The following SPOCK1 variants were observed in gnomAD, a reference collection of about 807,000 sequenced individuals.
The protein encoded by SPOCK1 is SPARC (osteonectin), cwcv and kazal like domains proteoglycan 1, also known as testican-1.
A neutral mutation model predicts 55.3 loss-of-function variants in SPOCK1; 23 were observed. The ratio of observed to expected loss-of-function variants is 0.42; its 90% CI spans 0.30 to 0.59. SPOCK1 has a LOEUF of 0.59. Ranked by LOEUF, SPOCK1 falls within the 20% of genes least tolerant of loss-of-function variation. The pLI is 0.22. For synonymous variants in SPOCK1, 226 were observed against 221.0 expected (o/e 1.02, Z -0.20); for missense variants, 499 against 552.5 (o/e 0.90, Z 0.97).
Position 137,469,765 on chromosome 5 carries a change from A to G in SPOCK1, c.186+28608T>C, listed in dbSNP as rs1023769296. 5.9e-5 allele frequency among the ~76,000 whole-genome samples: 9 copies of G among 152,142 alleles called. No homozygotes were observed. The East Asian group carries it at 1.5e-3, about 26-fold the overall frequency. ...ATGGCTCAGAACTGTCTTGTCATGG[A>G]CCTCCATCATGGGGATGGACTGGTG... On this transcript the variant is annotated intron_variant, in intron 2 of 10. Transcript: ENST00000394945.
chr5:137,232,758 G>A lies in SPOCK1; in HGVS notation c.232+34252C>T, dbSNP rs151309739. ...TTTTGATAGGAATTTCATTGAACCT[G>A]TATAGCAATTTGGAGAAAATGAACA... On this transcript the variant is annotated intron_variant, in intron 3 of 10. Coordinates refer to ENST00000394945, the MANE Select transcript of SPOCK1 (RefSeq NM_004598.4). 1.8e-4 allele frequency among the ~76,000 whole-genome samples: 28 copies of A among 152,298 alleles called. No individual in the cohort carries two copies. In the East Asian group the frequency reaches 5.0e-3, roughly 27 times the overall value.
intron 6 of SPOCK1, among the ~76,000 whole-genome samples, chr5:137,042,179 G>T (rs1227584481): frequency 6.6e-6 from 1 of 152,134 alleles, no homozygotes; most frequent in African/African-American, 2.4e-5. Context: ...AATGAATATT[G>T]TCAAGTGAAA....
chr5:137,264,498 C>T (rs183839635), intron 3 of SPOCK1, among the ~76,000 whole-genome samples: 33 of 152,264 alleles, frequency 2.2e-4, no homozygotes, highest in Non-Finnish European at 4.4e-4. Flanking sequence ...CCACCTCCAT[C>T]ATGAAGCCCC....
intron 6 of SPOCK1, among the ~76,000 whole-genome samples, chr5:137,042,802 T>A (rs1752024793): frequency 6.6e-6 from 1 of 152,128 alleles, no homozygotes; most frequent in Non-Finnish European, 1.5e-5. Context: ...AACTTGTATT[T>A]AGCTTAATAT....
intron 3 of SPOCK1, among the ~76,000 whole-genome samples, chr5:137,251,908 G>A (rs1836296): frequency 0.068 from 10,291 of 152,066 alleles, 1,057 homozygotes; most frequent in African/African-American, 0.23. Flanking sequence ...GATCGTATTC[G>A]ACATATTATT....
intron 3 of SPOCK1, among the ~76,000 whole-genome samples, chr5:137,228,195 A>G (rs1442413943): frequency 1.3e-5 from 2 of 152,240 alleles, no homozygotes; most frequent in Non-Finnish European, 2.9e-5. Flanking sequence ...GCCAACATGA[A>G]TGACCAAGGA....
chr5:137,168,743 T>C (rs1450652814), intron 3 of SPOCK1, among the ~76,000 whole-genome samples: 2 of 152,116 alleles, frequency 1.3e-5, no homozygotes, highest in Non-Finnish European at 2.9e-5. Flanking sequence ...AACCCTAGTA[T>C]ACTGTTGGTA....
intron 3 of SPOCK1, among the ~76,000 whole-genome samples, chr5:137,265,526 T>G (rs1756830614): frequency 6.6e-6 from 1 of 152,194 alleles, no homozygotes; most frequent in South Asian, 2.1e-4. Flanking sequence ...TAGATAAAGT[T>G]TTATCCTATT....
At chr5:137,157,117 T>G (rs1754431435) in intron 3 of SPOCK1, among the ~76,000 whole-genome samples, 1 of 152,124 alleles carries the variant, frequency 6.6e-6, no homozygotes, top group South Asian at 2.1e-4. Context: ...CCTCCTGCAC[T>G]CTTACATGAA....
chr5:137,259,201 G>T (rs772036404), intron 3 of SPOCK1, among the ~76,000 whole-genome samples: 1 of 152,100 alleles, frequency 6.6e-6, no homozygotes, highest in South Asian at 2.1e-4. Flanking sequence ...TATGTTTACT[G>T]CGACACTGTT....
chr5:137,292,739 G>C (rs1037763815), intron 2 of SPOCK1, among the ~76,000 whole-genome samples: 5 of 149,110 alleles, frequency 3.4e-5, no homozygotes, highest in African/African-American at 1.2e-4. Flanking sequence ...ACTACCTGTA[G>C]ATACACATCC....
chr5:137,130,729 G>A (rs1218322673), intron 4 of SPOCK1, among the ~76,000 whole-genome samples: 2 of 152,218 alleles, frequency 1.3e-5, no homozygotes, highest in Non-Finnish European at 2.9e-5. Context: ...GCAGTTCACT[G>A]GGAAGCATGA....
intron 2 of SPOCK1, among the ~76,000 whole-genome samples, chr5:137,327,616 T>C (rs1174478316): frequency 1.3e-5 from 2 of 152,230 alleles, no homozygotes; most frequent in African/African-American, 4.8e-5. Context: ...CCTGTTCCAA[T>C]AGGCCAGTAC....
At chr5:137,000,458 C>T (rs1751127654) in intron 6 of SPOCK1, among the ~76,000 whole-genome samples, 1 of 152,170 alleles carries the variant, frequency 6.6e-6, no homozygotes, top group Non-Finnish European at 1.5e-5. Flanking sequence ...AAGCCTTCAG[C>T]AGCAAGTGTC....
intron 6 of SPOCK1, among the ~76,000 whole-genome samples, chr5:137,016,582 G>C (rs1476661209): frequency 6.6e-6 from 1 of 152,166 alleles, no homozygotes; most frequent in Non-Finnish European, 1.5e-5. Flanking sequence ...AAATCAAACA[G>C]GTCATCTTAA....
At chr5:137,226,329 C>G (rs1561477330) in intron 3 of SPOCK1, among the ~76,000 whole-genome samples, 1 of 152,236 alleles carries the variant, frequency 6.6e-6, no homozygotes, top group Non-Finnish European at 1.5e-5. Flanking sequence ...CAGAATTAAA[C>G]TATTGACCAA....
chr5:137,023,118 A>G (rs1370231283), intron 6 of SPOCK1, among the ~76,000 whole-genome samples: 1 of 152,150 alleles, frequency 6.6e-6, no homozygotes, highest in Admixed American at 6.5e-5. Context: ...GACAACTTGT[A>G]TGCTTTCTTT....
intron 9 of SPOCK1, 137 bp from the exon 10 acceptor site, chr5:136,979,606 G>A: frequency 1.7e-6 from 2 of 1,143,930 alleles, no homozygotes; most frequent in Non-Finnish European, 2.4e-6. Context: ...GGGATGGTTG[G>A]CTATTAGTCA....
chr5:137,350,795 T>TTGTGTGTG (rs111548796), intron 2 of SPOCK1, among the ~76,000 whole-genome samples: 1 of 148,390 alleles, frequency 6.7e-6, no homozygotes, highest in African/African-American at 2.5e-5. Context: ...TCATATAGGG[T>TTGTGTGTG]TGTGTGTGTG....
Sources: gnomAD v4.1 joint callset for allele counts (sites outside exome capture counted in the v4.1 genomes callset) on GRCh38, gnomAD v4.1.1 for gene constraint, MANE v1.5 for transcripts, NCBI Gene and HGNC (gene_info 2026-07-23, HGNC 2026-07-21) for gene names.